PDE4D: variants seen among roughly 807,000 people sequenced by gnomAD.
PDE4D encodes 3',5'-cyclic-AMP phosphodiesterase 4D.
In PDE4D, 24 loss-of-function variants were observed where a neutral mutation model predicts 87.4. That is an observed-to-expected ratio of 0.27 (90% CI 0.20 to 0.39). The LOEUF is 0.39. Among genes scored for constraint, PDE4D ranks in the 10% least tolerant of loss-of-function variants. The probability of loss-of-function intolerance (pLI) is 1.00; values close to 1 mark genes in which losing one functional copy is unlikely to be tolerated. For missense variants in PDE4D, 714 were observed against 1,041.0 expected, an observed-to-expected ratio of 0.69 and a Z score of 4.32; for synonymous variants, 384 against 383.2, an observed-to-expected ratio of 1.00 and a Z score of -0.02.
rs1016401943 is a variant in PDE4D at position 59,381,484 on chromosome 5, A to G, written c.456-165516T>C. Reference sequence around the variant, plus strand: ...TATTTGCAATTATTTTGAGAAACATATATCTTTTTTTGAATAAAGTAAACA... The same window carrying G: ...TATTTGCAATTATTTTGAGAAACATGTATCTTTTTTTGAATAAAGTAAACA... On this transcript the variant is annotated intron_variant, in intron 1 of 14. Transcript: ENST00000340635. Among the ~76,000 whole-genome samples, 30 of 134,932 alleles carry G rather than the reference A, an allele frequency of 2.2e-4. 1 individual carries two copies. Among genetic ancestry groups the G allele is most frequent in the Middle Eastern group, 4.2e-3 (1 of 240 alleles). 88.5% of individuals were successfully genotyped at this position (134,932 alleles called of 152,430 possible). A position where few individuals can be genotyped will look rare whatever the true frequency, so the allele number is the denominator to read the frequency against.
At chr5:59,267,265 C>G (rs1763000645) in intron 1 of PDE4D, among the ~76,000 whole-genome samples, 1 of 152,030 alleles carries the variant, frequency 6.6e-6, no homozygotes, top group Non-Finnish European at 1.5e-5. Context: ...TAGTATCAGT[C>G]ATATAAATTC....
intron 1 of PDE4D, among the ~76,000 whole-genome samples, chr5:60,420,124 G>T (rs1742961949): frequency 6.6e-6 from 1 of 152,196 alleles, no homozygotes; most frequent in Admixed American, 6.5e-5. Flanking sequence ...GTCAAGTAAT[G>T]CTGGAAGAAG....
chr5:59,657,740 T>C (rs1744604865), intron 1 of PDE4D, among the ~76,000 whole-genome samples: 2 of 152,218 alleles, frequency 1.3e-5, no homozygotes, highest in South Asian at 4.1e-4. Flanking sequence ...CACACTTATG[T>C]TATTAGTTAG....
chr5:59,678,959 C>G (rs1275233514), intron 1 of PDE4D, among the ~76,000 whole-genome samples: 1 of 152,206 alleles, frequency 6.6e-6, no homozygotes, highest in Non-Finnish European at 1.5e-5. Flanking sequence ...TATATGTGTG[C>G]CTGTTTCTTT....
chr5:59,082,945 G>A (rs1767031122), intron 5 of PDE4D, among the ~76,000 whole-genome samples: 2 of 152,084 alleles, frequency 1.3e-5, no homozygotes, highest in African/African-American at 4.8e-5. Context: ...ATAAACATCT[G>A]GGTTGGTTCC....
At chr5:60,087,914 C>G (rs1774708997) in intron 2 of PDE4D, among the ~76,000 whole-genome samples, 1 of 151,994 alleles carries the variant, frequency 6.6e-6, no homozygotes, top group Non-Finnish European at 1.5e-5. Context: ...AGATATTAAA[C>G]AAATTCAACT....
At chr5:60,124,017 T>C (rs565273309) in intron 2 of PDE4D, among the ~76,000 whole-genome samples, 1 of 152,316 alleles carries the variant, frequency 6.6e-6, no homozygotes, top group African/African-American at 2.4e-5. Flanking sequence ...CCCATGGTGG[T>C]ACAATATATT....
intron 2 of PDE4D, among the ~76,000 whole-genome samples, chr5:59,209,378 G>T (rs562670923): frequency 1.3e-5 from 2 of 152,132 alleles, no homozygotes; most frequent in East Asian, 3.9e-4. Context: ...TAGAGACAGG[G>T]TTTCACCATG....
intron 5 of PDE4D, among the ~76,000 whole-genome samples, chr5:59,126,926 A>G (rs1343530026): frequency 6.6e-6 from 1 of 152,198 alleles, no homozygotes; most frequent in African/African-American, 2.4e-5. Context: ...TGGAACAATT[A>G]GGAGTGGGAA....
intron 1 of PDE4D, among the ~76,000 whole-genome samples, chr5:59,606,452 A>G (rs1828214530): frequency 1.3e-5 from 2 of 152,104 alleles, no homozygotes; most frequent in South Asian, 4.1e-4. Flanking sequence ...AACCTTATAA[A>G]GCATGTACTA....
intron 1 of PDE4D, among the ~76,000 whole-genome samples, chr5:59,528,122 C>T (rs542859937): frequency 1.3e-5 from 2 of 152,218 alleles, no homozygotes; most frequent in East Asian, 3.9e-4. Context: ...AGTTTGTAAT[C>T]TAATAGGGGC....
rs1158011714 is a variant in PDE4D, at chr5:58,969,393, TCA to T, written c.*5269_*5270del. 6.6e-6 allele frequency: 1 copy of T among 152,276 alleles called. No homozygotes were observed. The highest frequency in any genetic ancestry group is 1.5e-5 in the Non-Finnish European group (1 of 68,076). The allele number at this position is 152,276 out of a possible 1,614,324, so 9.4% of individuals were successfully genotyped here. A position where few individuals can be genotyped will look rare whatever the true frequency, so the allele number is the denominator to read the frequency against. The stretch of plus-strand genomic sequence containing the variant: ...GCCCTGCCTACTCTCTCACTTTTCC[TCA>T]GTTTCTCCAGATGTCTCAAGCTCAT... On this transcript the variant is annotated 3_prime_UTR_variant, in exon 15 of 15. Transcript: ENST00000340635.
chr5:59,918,638 C>T (rs138010672), intron 3 of PDE4D, among the ~76,000 whole-genome samples: 50 of 152,232 alleles, frequency 3.3e-4, no homozygotes, highest in African/African-American at 3.1e-4. Flanking sequence ...GGGTCTATGG[C>T]GAGGGCAAGG....
At chr5:59,978,336 A>G (rs1238682781) in intron 3 of PDE4D, among the ~76,000 whole-genome samples, 1 of 152,178 alleles carries the variant, frequency 6.6e-6, no homozygotes, top group African/African-American at 2.4e-5. Flanking sequence ...ATCAACATTA[A>G]CAAGAGTTTG....
intron 1 of PDE4D, among the ~76,000 whole-genome samples, chr5:59,252,533 T>A (rs1581616232): frequency 6.6e-6 from 1 of 151,976 alleles, no homozygotes; most frequent in Admixed American, 6.6e-5. Flanking sequence ...CTGGGTTTTT[T>A]TTTTCCCCGA....
intron 2 of PDE4D, among the ~76,000 whole-genome samples, chr5:60,171,101 A>G (rs1783384300): frequency 6.6e-6 from 1 of 152,084 alleles, no homozygotes; most frequent in Non-Finnish European, 1.5e-5. Context: ...TACTCCATGT[A>G]CCAAAGATGG....
At chr5:59,984,049 A>AT (rs1762176267) in intron 3 of PDE4D, among the ~76,000 whole-genome samples, 1 of 144,874 alleles carries the variant, frequency 6.9e-6, no homozygotes, top group African/African-American at 2.5e-5. Flanking sequence ...TCAAAAAAAA[A>AT]TTTTGACTAA....
At chr5:59,948,649 A>G (rs1757950386) in intron 3 of PDE4D, among the ~76,000 whole-genome samples, 1 of 152,240 alleles carries the variant, frequency 6.6e-6, no homozygotes, top group Non-Finnish European at 1.5e-5. Context: ...AGAAGTCTCT[A>G]TTAGAACCTA....
chr5:60,429,833 A>G, intron 1 of PDE4D: 1 of 346,462 alleles, frequency 2.9e-6, no homozygotes. Context: ...GTGGTGGATT[A>G]GTTTTTTTTT....
Sources: allele counts gnomAD v4.1 joint callset (sites outside exome capture counted in the v4.1 genomes callset), GRCh38; gene constraint gnomAD v4.1.1; transcripts MANE v1.5; gene names NCBI Gene and HGNC (gene_info 2026-07-23, HGNC 2026-07-21).